The following BICC1 variants were observed in gnomAD, a reference collection of about 807,000 sequenced individuals.
BICC1 encodes BicC family RNA binding protein 1.
A neutral mutation model predicts 111.0 loss-of-function variants in BICC1; 43 were observed. The observed-to-expected ratio is 0.39, with a 90% CI of 0.30 to 0.50. The LOEUF is 0.50. Among genes scored for constraint, BICC1 ranks in the 20% least tolerant of loss-of-function variants. The probability of loss-of-function intolerance (pLI) is 0.88; values close to 1 mark genes in which losing one functional copy is unlikely to be tolerated. For missense variants in BICC1, 1,091 were observed against 1,203.2 expected (o/e 0.91, Z 1.38); for synonymous variants, 467 against 434.4 (o/e 1.07, Z -0.93).
At chr10:58,797,150 C>T (rs1186072288) in intron 10 of BICC1, among the ~76,000 whole-genome samples, 1 of 152,164 alleles carries the variant, frequency 6.6e-6, no homozygotes, top group East Asian at 1.9e-4. Context: ...ATGTCCTCAT[C>T]TATGGATTGC....
chr10:58,584,704 T>A (rs2132021961), intron 1 of BICC1, among the ~76,000 whole-genome samples: 1 of 152,282 alleles, frequency 6.6e-6, no homozygotes, highest in East Asian at 1.9e-4. Flanking sequence ...CTGAAGGGGT[T>A]TCCAAAGACA....
intron 2 of BICC1, among the ~76,000 whole-genome samples, chr10:58,683,489 G>A (rs1160740762): frequency 1.3e-5 from 2 of 152,092 alleles, no homozygotes; most frequent in African/African-American, 4.8e-5. Context: ...CCATTTTCAC[G>A]ATATTGATTC....
intron 1 of BICC1, among the ~76,000 whole-genome samples, chr10:58,566,378 C>T (rs551734679): frequency 8.6e-5 from 13 of 151,842 alleles, no homozygotes; most frequent in Admixed American, 8.5e-4. Context: ...ATATGTACAC[C>T]ACGATTTCTT....
intron 2 of BICC1, among the ~76,000 whole-genome samples, chr10:58,670,359 A>G (rs968261753): frequency 2.0e-5 from 3 of 152,152 alleles, no homozygotes; most frequent in Non-Finnish European, 2.9e-5. Flanking sequence ...CTACAAATGT[A>G]TATATCTATT....
At chr10:58,681,915 G>A (rs532575942) in intron 2 of BICC1, among the ~76,000 whole-genome samples, 5 of 151,610 alleles carry the variant, frequency 3.3e-5, no homozygotes, top group African/African-American at 4.8e-5. Context: ...TGTGCACAAC[G>A]TGCAGGTTTG....
In BICC1 at chr10:58,831,023, GT is replaced by G. The variant is rs1278722530; in HGVS notation, c.*2134del. On this transcript the variant is annotated 3_prime_UTR_variant, in exon 21 of 21. Transcript: ENST00000373886. ...AGATGTAATGAATATGCAGTATTAAGTTGATTTATGAACAGTGCTTTGATAT... is the reference window on the plus strand; with the variant it reads ...AGATGTAATGAATATGCAGTATTAAGTGATTTATGAACAGTGCTTTGATAT... 1.3e-5 allele frequency: 2 copies of G among 152,186 alleles called. No individual in the cohort carries two copies. The highest frequency in any genetic ancestry group is 4.8e-5 in the African/African-American group (2 of 41,450). 9.4% of individuals were successfully genotyped at this position (152,186 alleles called of 1,614,324 possible).
chr10:58,611,466 T>G (rs957482807), intron 1 of BICC1, among the ~76,000 whole-genome samples: 19 of 151,626 alleles, frequency 1.3e-4, no homozygotes, highest in Middle Eastern at 3.4e-3. Flanking sequence ...GTACATTCTG[T>G]TTTTTTGTTT....
At chr10:58,554,257 C>A (rs16912382) in intron 1 of BICC1, among the ~76,000 whole-genome samples, 2 of 151,928 alleles carry the variant, frequency 1.3e-5, no homozygotes, top group Non-Finnish European at 2.9e-5. Context: ...TCAGAGAGGA[C>A]AATTTAAGTG....
intron 2 of BICC1, among the ~76,000 whole-genome samples, chr10:58,666,606 C>T (rs1004046515): frequency 2.0e-5 from 3 of 152,234 alleles, no homozygotes; most frequent in African/African-American, 7.2e-5. Flanking sequence ...ATTTTTCATT[C>T]AAGTGTATAT....
chr10:58,819,204 A>G lies in BICC1; in HGVS notation c.2695-1165A>G, dbSNP rs564243498. 5.9e-5 allele frequency among the ~76,000 whole-genome samples: 9 copies of G among 152,254 alleles called. No individual in the cohort carries two copies. The South Asian group carries it at 1.9e-3, about 32-fold the overall frequency. On this transcript the variant is annotated intron_variant, in intron 19 of 20. Coordinates refer to ENST00000373886, the MANE Select transcript of BICC1 (RefSeq NM_001080512.3). ...TGACATTGTGGCCCACAAAGCCTAA[A>G]ATATTTACCATCTGGTCCTTTAAGA...
chr10:58,566,253 T>G (rs1843757216), intron 1 of BICC1, among the ~76,000 whole-genome samples: 1 of 145,956 alleles, frequency 6.9e-6, no homozygotes, highest in Non-Finnish European at 1.5e-5. Flanking sequence ...CACGTGCATA[T>G]ACATACGTGC....
chr10:58,811,936 T>C (rs1393618818), intron 17 of BICC1, among the ~76,000 whole-genome samples: 1 of 151,894 alleles, frequency 6.6e-6, no homozygotes, highest in Non-Finnish European at 1.5e-5. Flanking sequence ...GTGGGTAGGG[T>C]GGGGGACCAT....
chr10:58,789,533 A>G, intron 7 of BICC1, 77 bp downstream of exon 7: 2 of 1,508,818 alleles, frequency 1.3e-6, no homozygotes, highest in Non-Finnish European at 1.8e-6. Flanking sequence ...TATTAGACTA[A>G]TTTGATTTCC....
At chr10:58,782,224 G>A (rs1339926931) in intron 3 of BICC1, among the ~76,000 whole-genome samples, 1 of 152,040 alleles carries the variant, frequency 6.6e-6, no homozygotes, top group Non-Finnish European at 1.5e-5. Flanking sequence ...AATCGGATAC[G>A]AGGCTCCCTG....
chr10:58,583,655 T>G (rs1368953304), intron 1 of BICC1, among the ~76,000 whole-genome samples: 1 of 151,788 alleles, frequency 6.6e-6, no homozygotes, highest in East Asian at 1.9e-4. Context: ...ACATTTTCTT[T>G]ATCCACTCAT....
At chr10:58,524,359 T>C (rs1219196545) in intron 1 of BICC1, among the ~76,000 whole-genome samples, 1 of 151,950 alleles carries the variant, frequency 6.6e-6, no homozygotes, top group African/African-American at 2.4e-5. Flanking sequence ...GAGATATAGA[T>C]CAATGGAACA....
intron 11 of BICC1, 101 bp from the exon 12 acceptor site, chr10:58,798,955 C>G (rs1843447613): frequency 1.1e-6 from 1 of 927,698 alleles, no homozygotes; most frequent in Admixed American, 2.9e-5. Flanking sequence ...GAATTCTTTT[C>G]TGAACTTGCA....
At chr10:58,634,316 A>G (rs1490359204) in intron 2 of BICC1, among the ~76,000 whole-genome samples, 1 of 152,138 alleles carries the variant, frequency 6.6e-6, no homozygotes, top group Non-Finnish European at 1.5e-5. Context: ...CAGTTGAATT[A>G]TTAACTGGAA....
At chr10:58,605,682 A>G (rs781291580) in intron 1 of BICC1, among the ~76,000 whole-genome samples, 19 of 152,340 alleles carry the variant, frequency 1.2e-4, no homozygotes, top group Non-Finnish European at 2.4e-4. Context: ...TGTAAATGAT[A>G]TGCAAATAGT....
Sources: allele counts gnomAD v4.1 joint callset (sites outside exome capture counted in the v4.1 genomes callset), GRCh38; gene constraint gnomAD v4.1.1; transcripts MANE v1.5; gene names NCBI Gene and HGNC (gene_info 2026-07-23, HGNC 2026-07-21).